Variants in AGPAT4 observed in about 807,000 individuals in gnomAD.
The protein encoded by AGPAT4 is 1-acylglycerol-3-phosphate O-acyltransferase 4.
AGPAT4 carries 15 observed loss-of-function variants against 48.0 expected under a neutral mutation model. The ratio of observed to expected loss-of-function variants is 0.31; its 90% CI spans 0.21 to 0.48. AGPAT4 has a LOEUF of 0.48. AGPAT4 is among the 20% of genes least tolerant of loss of function. The pLI is 0.99. For synonymous variants in AGPAT4, 178 were observed against 198.7 expected (o/e 0.90, Z 0.88); for missense variants, 314 against 482.5 (o/e 0.65, Z 3.27).
In AGPAT4 at chr6:161,204,506, C is replaced by T. The variant is rs184699310; in HGVS notation, c.178+27530G>A. 2.4e-4 allele frequency among the ~76,000 whole-genome samples: 37 copies of T among 152,266 alleles called. No homozygotes were observed. Among genetic ancestry groups the T allele is most frequent in the African/African-American group, 8.9e-4 (37 of 41,560 alleles). ...TTTAGTACCCCCTCCAAAATTCTCC[C>T]TTTCCAGCTATATTTATCCTTCAGC... On this transcript the variant is annotated intron_variant, in intron 2 of 8. Coordinates refer to ENST00000320285, the MANE Select transcript of AGPAT4 (RefSeq NM_020133.3). The surrounding 1 kb of genome is among the most constrained non-coding windows in gnomAD (Gnocchi z 4.4).
intron 3 of AGPAT4, among the ~76,000 whole-genome samples, chr6:161,156,024 G>T (rs2114968806): frequency 6.6e-6 from 1 of 152,272 alleles, no homozygotes; most frequent in African/African-American, 2.4e-5. Context: ...GATCCTAGTG[G>T]GTCCTAGTGG....
intron 5 of AGPAT4, among the ~76,000 whole-genome samples, chr6:161,152,179 A>G (rs762097672): frequency 2.0e-5 from 3 of 152,206 alleles, no homozygotes; most frequent in Non-Finnish European, 2.9e-5. Context: ...CATTGTGCCA[A>G]TAGAGGTCAT....
In AGPAT4 at chr6:161,154,933, C is replaced by T. The variant is rs1779725665; in HGVS notation, c.349-623G>A. Reference sequence around the variant, plus strand: ...CAAACAGGAGTCTCCGCTCACAGAGCAGGCTGCGGAGCCCAGTGGGATCTC... The same window carrying T: ...CAAACAGGAGTCTCCGCTCACAGAGTAGGCTGCGGAGCCCAGTGGGATCTC... On this transcript the variant is annotated intron_variant, in intron 3 of 8. Coordinates refer to ENST00000320285, the MANE Select transcript of AGPAT4 (RefSeq NM_020133.3). This position sits in a 1 kb window ranked among gnomAD's most constrained non-coding sequence, Gnocchi z 7.8. Among the ~76,000 whole-genome samples, 1 of 152,244 alleles carries T rather than the reference C, an allele frequency of 6.6e-6. No individual in the cohort carries two copies. Among genetic ancestry groups the T allele is most frequent in the Admixed American group, 6.5e-5 (1 of 15,288 alleles).
intron 1 of AGPAT4, among the ~76,000 whole-genome samples, chr6:161,252,632 C>T (rs1049631105): frequency 1.8e-5 from 1 of 54,400 alleles, no homozygotes; most frequent in Non-Finnish European, 3.6e-5. Context: ...AGATTGGTCT[C>T]GGCAACATGG....
At chr6:161,151,161 C>A (rs1779583295) in intron 5 of AGPAT4, among the ~76,000 whole-genome samples, 1 of 152,262 alleles carries the variant, frequency 6.6e-6, no homozygotes, top group Non-Finnish European at 1.5e-5. Context: ...CAGCCAGGAG[C>A]AAATCCCAGC....
rs576033823 is a variant in AGPAT4, at chr6:161,201,135, T to C, written c.178+30901A>G. Reference sequence around the variant, plus strand: ...TCCCATTGATCAACTCAGGTTCCTCTGCAATATTGATCCTCCAGGTCCTTT... The same window carrying C: ...TCCCATTGATCAACTCAGGTTCCTCCGCAATATTGATCCTCCAGGTCCTTT... On this transcript the variant is annotated intron_variant, in intron 2 of 8. Coordinates refer to ENST00000320285, the MANE Select transcript of AGPAT4 (RefSeq NM_020133.3). The surrounding 1 kb of genome is among the most constrained non-coding windows in gnomAD (Gnocchi z 6.0). Among the ~76,000 whole-genome samples the C allele has an allele frequency of 6.6e-6, 1 of 152,224 alleles. No homozygotes were observed. The highest frequency in any genetic ancestry group is 1.5e-5 in the Non-Finnish European group (1 of 68,040).
intron 2 of AGPAT4, among the ~76,000 whole-genome samples, chr6:161,211,328 T>C (rs1457892368): frequency 6.6e-6 from 1 of 152,172 alleles, no homozygotes. Context: ...ACAAAGTGTG[T>C]CCTTTTAAAA....
At chr6:161,253,957 A>C (rs1262364661) in intron 1 of AGPAT4, among the ~76,000 whole-genome samples, 1 of 152,196 alleles carries the variant, frequency 6.6e-6, no homozygotes, top group Non-Finnish European at 1.5e-5. Context: ...TGGACTTGGA[A>C]CTGCTGCCTC....
rs950938161 is a variant in AGPAT4 at position 161,254,542 on chromosome 6, G to T, written c.-90+19396C>A. Among the ~76,000 whole-genome samples the T allele has an allele frequency of 1.3e-5, 2 of 152,126 alleles. No homozygotes were observed. The highest frequency in any genetic ancestry group is 2.9e-5 in the Non-Finnish European group (2 of 68,018). Reference sequence around the variant, plus strand: ...CGTGGCCCTGGTGATCTTTTCTCACGGCCATGTTCTTTATGTCCTTTCACT... The same window carrying T: ...CGTGGCCCTGGTGATCTTTTCTCACTGCCATGTTCTTTATGTCCTTTCACT... On this transcript the variant is annotated intron_variant, in intron 1 of 8. Transcript: ENST00000320285. This position sits in a 1 kb window ranked among gnomAD's most constrained non-coding sequence, Gnocchi z 5.9.
At chr6:161,203,060 G>C (rs1031525817) in intron 2 of AGPAT4, among the ~76,000 whole-genome samples, 1 of 152,192 alleles carries the variant, frequency 6.6e-6, no homozygotes, top group Non-Finnish European at 1.5e-5. Context: ...ACTGGGCTCT[G>C]TTCAGAATCC....
chr6:161,193,482 T>A (rs534537896), intron 2 of AGPAT4, among the ~76,000 whole-genome samples: 1 of 152,202 alleles, frequency 6.6e-6, no homozygotes, highest in East Asian at 1.9e-4. Context: ...ACGCTGCAAA[T>A]TTGCAAGCAG....
chr6:161,145,400 A>T (rs1027804085), intron 7 of AGPAT4, among the ~76,000 whole-genome samples: 1 of 151,612 alleles, frequency 6.6e-6, no homozygotes, highest in Non-Finnish European at 1.5e-5. Context: ...CATAACCTAC[A>T]TAGGAAAGAG....
At chr6:161,263,223 C>A (rs1024583250) in intron 1 of AGPAT4, among the ~76,000 whole-genome samples, 2 of 149,822 alleles carry the variant, frequency 1.3e-5, no homozygotes, top group East Asian at 3.9e-4. Flanking sequence ...TATATAGAAG[C>A]TGCTGAAGAC....
At position 161,229,985 on chromosome 6, in the gene AGPAT4, A is replaced by T. The variant is rs953311763; in HGVS notation, c.178+2051T>A. 4.6e-5 allele frequency among the ~76,000 whole-genome samples: 7 copies of T among 152,206 alleles called. No individual in the cohort carries two copies. The highest frequency in any genetic ancestry group is 1.7e-4 in the African/African-American group (7 of 41,456). ...CTACCCTTCATTGCACCCGGCATTG[A>T]GATGCCAGTTGTCTTAGATGGTTAA... On this transcript the variant is annotated intron_variant, in intron 2 of 8. Coordinates refer to ENST00000320285, the MANE Select transcript of AGPAT4 (RefSeq NM_020133.3). The surrounding 1 kb of genome is among the most constrained non-coding windows in gnomAD (Gnocchi z 6.0).
rs374098003 is a variant in AGPAT4 at position 161,177,374 on chromosome 6, C to T, written c.179-10957G>A. Among the ~76,000 whole-genome samples the T allele has an allele frequency of 6.6e-5, 10 of 152,298 alleles. No homozygotes were observed. The highest frequency in any genetic ancestry group is 6.2e-4 in the South Asian group (3 of 4,826). On this transcript the variant is annotated intron_variant, in intron 2 of 8. Transcript: ENST00000320285. The surrounding 1 kb of genome is among the most constrained non-coding windows in gnomAD (Gnocchi z 5.0). ...TCTTCTTTCTCTAAACTTCTCTTCT[C>T]GCTTCATTTCATTAATTTGATCTTC...
At position 161,158,494 on chromosome 6, in the gene AGPAT4, G is replaced by A. The variant is rs1270751198; in HGVS notation, c.349-4184C>T. On this transcript the variant is annotated intron_variant, in intron 3 of 8. Transcript: ENST00000320285. The surrounding 1 kb of genome is among the most constrained non-coding windows in gnomAD (Gnocchi z 5.3). The stretch of plus-strand genomic sequence containing the variant: ...GAGTAAACCACTATGGAGAGAGAGA[G>A]TGAAAGAGAGAGTTGTCTTAGGGCA... Among the ~76,000 whole-genome samples, 1 of 152,222 alleles carries A rather than the reference G, an allele frequency of 6.6e-6. No individual in the cohort carries two copies. Among genetic ancestry groups the A allele is most frequent in the Non-Finnish European group, 1.5e-5 (1 of 68,054 alleles).
chr6:161,175,651 A>T (rs1365570814), intron 2 of AGPAT4, among the ~76,000 whole-genome samples: 1 of 151,740 alleles, frequency 6.6e-6, no homozygotes, highest in African/African-American at 2.4e-5. Context: ...TTATGCTGTG[A>T]TCTTAGTTAT....
In AGPAT4 at chr6:161,254,286, T is replaced by TA. The variant is rs1782883230; in HGVS notation, c.-90+19651dup. ...TGGACCCATTGTACAGCTAAGAAAATAGAGGCTCAGGGAAGTCATGACTTA... is the reference window on the plus strand; with the variant it reads ...TGGACCCATTGTACAGCTAAGAAAATAAGAGGCTCAGGGAAGTCATGACTTA... On this transcript the variant is annotated intron_variant, in intron 1 of 8. Coordinates refer to ENST00000320285, the MANE Select transcript of AGPAT4 (RefSeq NM_020133.3). This position sits in a 1 kb window ranked among gnomAD's most constrained non-coding sequence, Gnocchi z 5.9. 6.6e-6 allele frequency among the ~76,000 whole-genome samples: 1 copy of TA among 152,104 alleles called. No homozygotes were observed. The highest frequency in any genetic ancestry group is 2.4e-5 in the African/African-American group (1 of 41,418).
At position 161,218,622 on chromosome 6, in the gene AGPAT4, C is replaced by A. The variant is rs369233152; in HGVS notation, c.178+13414G>T. 6.6e-6 allele frequency among the ~76,000 whole-genome samples: 1 copy of A among 152,182 alleles called. No individual in the cohort carries two copies. The highest frequency in any genetic ancestry group is 1.5e-5 in the Non-Finnish European group (1 of 68,030). On this transcript the variant is annotated intron_variant, in intron 2 of 8. Transcript: ENST00000320285. The surrounding 1 kb of genome is among the most constrained non-coding windows in gnomAD (Gnocchi z 4.7). ...ACCATAACACCGGGGCAGGATCCTC[C>A]GCTCCACGGCCCTAGCACAGTGTAT...
Sources: allele counts gnomAD v4.1 joint callset (sites outside exome capture counted in the v4.1 genomes callset), GRCh38; gene constraint gnomAD v4.1.1; non-coding constraint Gnocchi (gnomAD v3.1); transcripts MANE v1.5; gene names NCBI Gene and HGNC (gene_info 2026-07-23, HGNC 2026-07-21).